The following PRR5 variants were observed in gnomAD, a reference collection of about 807,000 sequenced individuals.
The protein encoded by PRR5 is proline-rich protein 5.
Under a neutral mutation model 30.6 loss-of-function variants are expected in PRR5, and 25 were observed. That is an observed-to-expected ratio of 0.82 (90% confidence interval 0.60 to 1.14). The LOEUF is 1.14. Ranked by LOEUF, PRR5 falls within the 50% of genes most tolerant of loss-of-function variation. PRR5 has a pLI of 0.00. For missense variants in PRR5, 600 were observed against 547.1 expected (o/e 1.10, Z -0.96); for synonymous variants, 286 against 247.1 (o/e 1.16, Z -1.48).
intron 2 of PRR5, among the ~76,000 whole-genome samples, chr22:44,717,538 C>T (rs8135511): frequency 0.11 from 16,848 of 151,972 alleles, 1,273 homozygotes; most frequent in African/African-American, 0.21. Context: ...AGCAGCCCTC[C>T]TCATTACCCT....
chr22:44,669,202 C>T (rs998852841), intron 1 of PRR5, among the ~76,000 whole-genome samples: 1 of 151,690 alleles, frequency 6.6e-6, no homozygotes, highest in Non-Finnish European at 1.5e-5. Flanking sequence ...CCATCTCCTT[C>T]CCCGACACCG....
intron 2 of PRR5, among the ~76,000 whole-genome samples, chr22:44,722,626 A>T (rs1459907132): frequency 6.6e-6 from 1 of 151,986 alleles, no homozygotes; most frequent in African/African-American, 2.4e-5. Context: ...AAGTACAGCC[A>T]CCCCAAAAGG....
At chr22:44,732,191 G>A (rs1922129311) in intron 5 of PRR5, 60 bp from the exon 6 acceptor site, 1 of 1,590,022 alleles carries the variant, frequency 6.3e-7, no homozygotes, top group Admixed American at 1.7e-5. Context: ...AGGACCGGGA[G>A]AGGGGAGATG....
chr22:44,729,914 G>C (rs1921626593), intron 4 of PRR5: 2 of 985,492 alleles, frequency 2.0e-6, no homozygotes, highest in Non-Finnish European at 2.4e-6. Context: ...GCGGCGGAGG[G>C]GGACTGAAGG....
intron 1 of PRR5, among the ~76,000 whole-genome samples, chr22:44,680,567 G>A (rs1924183148): frequency 6.6e-6 from 1 of 152,156 alleles, no homozygotes; most frequent in Non-Finnish European, 1.5e-5. Flanking sequence ...CCCACAGCAG[G>A]ACTCGCCAGC....
Position 44,732,382 on chromosome 22 carries a change from G to A in PRR5, c.546G>A (p.Leu182=), listed in dbSNP as rs1391237319. 2 of 1,608,384 alleles carry A rather than the reference G, an allele frequency of 1.2e-6. No individual in the cohort carries two copies. The highest frequency in any genetic ancestry group is 2.2e-5 in the South Asian group (2 of 90,960). The change falls in exon 6 of 8, where the codon CTG becomes CTA. Residue 182 remains leucine, a synonymous_variant. Transcript: ENST00000336985. ...RVPPAIVQML[L]VLQGVHESRG... ...CCCCTGCCATCGTGCAGATGCTGCT[G>A]GTGCTGCAGGTGGGCACAGTGGGCA...
In PRR5 at chr22:44,737,121, C is replaced by T; in HGVS notation, c.1041C>T (p.Asn347=). The change falls in exon 8 of 8, where the codon AAC becomes AAT. Residue 347 remains asparagine (N), a synonymous_variant. Coordinates refer to ENST00000336985, the MANE Select transcript of PRR5 (RefSeq NM_181333.4). ...RSSLPRSSPE[N]LVDQILESVD... ...CCCTGCCCCGCTCCAGCCCGGAGAA[C>T]CTGGTGGACCAGATCCTGGAGTCCG... 6.2e-7 allele frequency: 1 copy of T among 1,612,524 alleles called. No individual in the cohort carries two copies. Among genetic ancestry groups the T allele is most frequent in the Non-Finnish European group, 8.5e-7 (1 of 1,180,004 alleles).
intron 1 of PRR5, among the ~76,000 whole-genome samples, chr22:44,706,812 G>A (rs956443922): frequency 1.3e-5 from 2 of 152,208 alleles, no homozygotes; most frequent in Non-Finnish European, 2.9e-5. Flanking sequence ...ACAGGCATGA[G>A]CCACTGCACT....
At chr22:44,735,384 G>C (rs1291122051) in intron 7 of PRR5, among the ~76,000 whole-genome samples, 1 of 152,234 alleles carries the variant, frequency 6.6e-6, no homozygotes, top group Admixed American at 6.5e-5. Flanking sequence ...ACCTTGGAGA[G>C]CTCCACCAGA....
At chr22:44,675,549 G>A (rs564646077), upstream of PRR5, among the ~76,000 whole-genome samples, 1 of 152,056 alleles carries the variant, frequency 6.6e-6, no homozygotes, top group South Asian at 2.1e-4. Context: ...CTTTCAGTGG[G>A]GCCTCCACAT....
At chr22:44,688,315 C>T (rs183409425) in intron 1 of PRR5, among the ~76,000 whole-genome samples, 13 of 152,022 alleles carry the variant, frequency 8.6e-5, no homozygotes, top group Admixed American at 5.2e-4. Flanking sequence ...ACCTGGGAGG[C>T]GGAGGTTGCA....
chr22:44,688,499 G>C (rs1030595349), intron 1 of PRR5, among the ~76,000 whole-genome samples: 1 of 152,176 alleles, frequency 6.6e-6, no homozygotes, highest in Non-Finnish European at 1.5e-5. Flanking sequence ...TTGGAACCCA[G>C]CTCCATCGGC....
intron 3 of PRR5, among the ~76,000 whole-genome samples, chr22:44,726,137 C>A (rs1049550897): frequency 6.6e-6 from 1 of 152,216 alleles, no homozygotes; most frequent in African/African-American, 2.4e-5. Flanking sequence ...GCTTGGGTTG[C>A]TGAGACCACA....
intron 1 of PRR5, among the ~76,000 whole-genome samples, chr22:44,693,302 A>G (rs1376444112): frequency 6.6e-6 from 1 of 152,136 alleles, no homozygotes; most frequent in Non-Finnish European, 1.5e-5. Context: ...TGTCTCTACC[A>G]AAAATACAAA....
intron 1 of PRR5, among the ~76,000 whole-genome samples, chr22:44,709,477 G>T (rs573709799): frequency 9.9e-5 from 15 of 152,060 alleles, no homozygotes; most frequent in African/African-American, 3.6e-4. Context: ...TGGAAAAGGC[G>T]GGGACAGGTA....
At chr22:44,721,749 C>A (rs12627956) in intron 2 of PRR5, among the ~76,000 whole-genome samples, 8 of 152,046 alleles carry the variant, frequency 5.3e-5, no homozygotes, top group African/African-American at 1.4e-4. Flanking sequence ...ACAAGGGTGC[C>A]GAGGCCCAGA....
chr22:44,736,620 T>A, intron 7 of PRR5, 152 bp from the exon 8 acceptor site: 1 of 1,336,730 alleles, frequency 7.5e-7, no homozygotes, highest in Non-Finnish European at 9.9e-7. Context: ...TGTCAGGGCT[T>A]GTGGCGGTGG....
At chr22:44,732,480 T>G in intron 6 of PRR5, 89 bp downstream of exon 6, 1 of 1,509,736 alleles carries the variant, frequency 6.6e-7, no homozygotes, top group Non-Finnish European at 8.9e-7. Flanking sequence ...AGATGAGGAT[T>G]TAGGGGCACG....
In PRR5 at chr22:44,737,529, C is replaced by T; in HGVS notation, c.*282C>T. ...GCTCCCACGCTCCTCCTGCCCCAGC[C>T]CTCTGGTGTCCACACCTGCCCACAG... On this transcript the variant is annotated 3_prime_UTR_variant, in exon 8 of 8. Coordinates refer to ENST00000336985, the MANE Select transcript of PRR5 (RefSeq NM_181333.4). The T allele has an allele frequency of 2.0e-6, 1 of 496,126 alleles. No individual in the cohort carries two copies. The highest frequency in any genetic ancestry group is 3.4e-6 in the Non-Finnish European group (1 of 291,608). The allele number at this position is 496,126 out of a possible 1,614,324, so 30.7% of individuals were successfully genotyped here. A position where few individuals can be genotyped will look rare whatever the true frequency, so the allele number is the denominator to read the frequency against.
Sources: gnomAD v4.1 joint callset for allele counts (sites outside exome capture counted in the v4.1 genomes callset) on GRCh38, gnomAD v4.1.1 for gene constraint, MANE v1.5 for transcripts, NCBI Gene and HGNC (gene_info 2026-07-23, HGNC 2026-07-21) for gene names.